The following CTCFL variants were observed in gnomAD, a reference collection of about 807,000 sequenced individuals.
The protein encoded by CTCFL is transcriptional repressor CTCFL.
In CTCFL, 36 loss-of-function variants were observed where a neutral mutation model predicts 67.4. That is an observed-to-expected ratio of 0.53 (90% CI 0.41 to 0.71). The LOEUF (loss-of-function observed/expected upper bound fraction) is 0.71. Among genes scored for constraint, CTCFL ranks in the 30% least tolerant of loss-of-function variants. The probability of loss-of-function intolerance (pLI) is 0.00; values close to 1 mark genes in which losing one functional copy is unlikely to be tolerated. For synonymous variants in CTCFL, 324 were observed against 302.3 expected (o/e 1.07, Z -0.75); for missense variants, 786 against 835.2 (o/e 0.94, Z 0.73).
chr20:57,508,942 T>C (rs748728619), intron 8 of CTCFL, among the ~76,000 whole-genome samples, 154 bp from the exon 9 acceptor site: 8 of 152,192 alleles, frequency 5.3e-5, no homozygotes, highest in Non-Finnish European at 1.0e-4. Context: ...CAAGGCAGCA[T>C]TCACTCTCAG....
intron 1 of CTCFL, 147 bp from the exon 2 acceptor site, chr20:57,524,363 A>G (rs903743645): frequency 6.8e-7 from 1 of 1,464,268 alleles, no homozygotes; most frequent in Non-Finnish European, 8.9e-7. Flanking sequence ...GGTCAGAACA[A>G]TGCTGATCTG....
chr20:57,510,640 G>A (rs1394778813), intron 8 of CTCFL, among the ~76,000 whole-genome samples: 3 of 152,184 alleles, frequency 2.0e-5, no homozygotes, highest in Non-Finnish European at 4.4e-5. Context: ...GAGGCGGGCA[G>A]ATCACGAGGT....
chr20:57,512,549 T>C (rs1405001638), intron 8 of CTCFL, 43 bp downstream of exon 8: 1 of 1,593,732 alleles, frequency 6.3e-7, no homozygotes, highest in Admixed American at 1.7e-5. Context: ...CCCTCCATTC[T>C]TCCATACACC....
chr20:57,499,318 G>A (rs956704326), intron 10 of CTCFL, among the ~76,000 whole-genome samples: 6 of 152,142 alleles, frequency 3.9e-5, no homozygotes, highest in South Asian at 2.1e-4. Flanking sequence ...TGTGGGTTGC[G>A]CGTTCTGCTA....
At chr20:57,517,283 C>CTTTT (rs77609219) in intron 5 of CTCFL, among the ~76,000 whole-genome samples, 1 of 130,772 alleles carries the variant, frequency 7.6e-6, no homozygotes, top group African/African-American at 2.8e-5. Context: ...AGTTCAAATG[C>CTTTT]TTTTTTTTTT....
rs188840993 is a variant in CTCFL, at chr20:57,519,381, T to C, written c.755-4A>G. Reference sequence around the variant, plus strand: ...CAGTGGAAGGTTCCTTTTGCTCCTATAGGCAGGAAATAGTTTATGTATTTG... The same window carrying C: ...CAGTGGAAGGTTCCTTTTGCTCCTACAGGCAGGAAATAGTTTATGTATTTG... On this transcript the variant is annotated splice_region_variant and splice_polypyrimidine_tract_variant and intron_variant, in intron 3 of 10. Transcript: ENST00000243914. 51 of 1,611,784 alleles carry C rather than the reference T, an allele frequency of 3.2e-5. No homozygotes were observed. The highest frequency in any genetic ancestry group is 5.0e-5 in the Admixed American group (3 of 59,864).
At position 57,523,721 on chromosome 20, in the gene CTCFL, A is replaced by C. The variant is rs1472739275; in HGVS notation, c.485T>G (p.Val162Gly). 2.5e-6 allele frequency: 4 copies of C among 1,613,252 alleles called. No individual in the cohort carries two copies. Among genetic ancestry groups the C allele is most frequent in the African/African-American group, 1.3e-5 (1 of 75,072 alleles). Residue 162 changes from valine (V) to glycine (G), a missense_variant, in exon 2 of 11, where the codon GTG becomes GGG. This residue lies in a region of CTCFL where 333 missense variants were observed against 304.6 expected (regional missense o/e 1.09). Transcript: ENST00000243914. ...QFHALEENVM[V>G]ASEDSKLAVS... ...CGCTAACTTACTGTCTTCACTGGCC[A>C]CCATCACATTCTCCTCTAGAGCGTG...
intron 2 of CTCFL, 124 bp from the exon 3 acceptor site, chr20:57,523,402 T>C (rs1052748288): frequency 3.9e-6 from 4 of 1,028,834 alleles, no homozygotes; most frequent in Admixed American, 5.4e-5. Context: ...ACAATGTTAA[T>C]TATTTCGCAT....
At chr20:57,515,883 C>A in intron 5 of CTCFL, 49 bp from the exon 6 acceptor site, 3 of 1,566,840 alleles carry the variant, frequency 1.9e-6, no homozygotes, top group Non-Finnish European at 2.6e-6. Context: ...TAAAAAATGG[C>A]AGAGTCTTCC....
In CTCFL at chr20:57,515,787, G is replaced by A; in HGVS notation, c.1107C>T (p.Pro369=). Residue 369 remains proline (P), a synonymous_variant, in exon 6 of 11, where the codon CCC becomes CCT. Transcript: ENST00000243914. ...RHVRSHTGER[P]FQCCQCSYAS... is the part of the protein sequence containing the mutation. The stretch of plus-strand genomic sequence containing the variant: ...CATAGCTGCACTGGCAACACTGAAA[G>A]GGGCGCTCCCCAGTGTGGGATCGGA... 2 of 1,614,126 alleles carry A rather than the reference G, an allele frequency of 1.2e-6. No homozygotes were observed. The highest frequency in any genetic ancestry group is 1.7e-5 in the Admixed American group (1 of 60,018).
intron 7 of CTCFL, chr20:57,513,513 T>A: frequency 9.6e-7 from 1 of 1,042,410 alleles, no homozygotes; most frequent in Non-Finnish European, 1.2e-6. Flanking sequence ...TATAGGGCTA[T>A]GTGGAGTGTA....
Position 57,508,832 on chromosome 20 carries a change from T to G in CTCFL, c.1492-44A>C, listed in dbSNP as rs2068372886. ...AAAGCAGCTTGTCTAGTTCAAAGGGTTTTCTCGATATTAGACACTGTTTAT... is the reference window on the plus strand; with the variant it reads ...AAAGCAGCTTGTCTAGTTCAAAGGGGTTTCTCGATATTAGACACTGTTTAT... On this transcript the variant is annotated intron_variant, in intron 8 of 10. Transcript: ENST00000243914. 1.9e-6 allele frequency: 3 copies of G among 1,556,554 alleles called. No individual in the cohort carries two copies. The East Asian group carries it at 6.7e-5, about 35-fold the overall frequency.
intron 10 of CTCFL, among the ~76,000 whole-genome samples, chr20:57,502,849 T>C (rs969868008): frequency 1.3e-5 from 2 of 152,228 alleles, no homozygotes; most frequent in African/African-American, 4.8e-5. Context: ...GACCTCCTTT[T>C]TTCAAAAGAA....
chr20:57,518,280 G>A (rs527931192), intron 5 of CTCFL, among the ~76,000 whole-genome samples: 2 of 152,304 alleles, frequency 1.3e-5, no homozygotes, highest in South Asian at 4.1e-4. Context: ...AAATGACTAT[G>A]GCACACCTGA....
chr20:57,521,666 T>C (rs1217860357), intron 3 of CTCFL, among the ~76,000 whole-genome samples: 6 of 152,202 alleles, frequency 3.9e-5, no homozygotes, highest in Admixed American at 2.6e-4. Context: ...GTGGACACAA[T>C]TGCAGTGTGC....
At chr20:57,502,040 C>T (rs985827426) in intron 10 of CTCFL, among the ~76,000 whole-genome samples, 1 of 152,206 alleles carries the variant, frequency 6.6e-6, no homozygotes, top group Non-Finnish European at 1.5e-5. Context: ...GGGTGCTCCG[C>T]GCATGGGCAG....
intron 9 of CTCFL, among the ~76,000 whole-genome samples, chr20:57,506,338 C>G (rs986976268): frequency 1.3e-5 from 2 of 152,216 alleles, no homozygotes; most frequent in African/African-American, 4.8e-5. Context: ...CAGTCTCGCT[C>G]TGTTGCCCAG....
At position 57,523,774 on chromosome 20, in the gene CTCFL, G is replaced by T. The variant is rs1187631792; in HGVS notation, c.432C>A (p.Ser144=). 6.2e-6 allele frequency: 10 copies of T among 1,613,196 alleles called. No homozygotes were observed. Among genetic ancestry groups the T allele is most frequent in the Non-Finnish European group, 7.6e-6 (9 of 1,180,040 alleles). Reference sequence around the variant, plus strand: ...ACTGCAACACCTCCATCTCTTGCGGGGAGTACAGCTCTTGCTGGATACTAA... The same window carrying T: ...ACTGCAACACCTCCATCTCTTGCGGTGAGTACAGCTCTTGCTGGATACTAA... ...VAISIQQELY[S]PQEMEVLQFH... is the part of the protein sequence containing the mutation. Residue 144 remains serine (S), a synonymous_variant, in exon 2 of 11, where the codon TCC becomes TCA. Coordinates refer to ENST00000243914, the MANE Select transcript of CTCFL (RefSeq NM_001386993.1).
chr20:57,510,483 T>C (rs564773488), intron 8 of CTCFL, among the ~76,000 whole-genome samples: 1 of 152,248 alleles, frequency 6.6e-6, no homozygotes, highest in African/African-American at 2.4e-5. Flanking sequence ...CTGCAACTAC[T>C]TGTATATAAA....
Sources: gnomAD v4.1 joint callset for allele counts (sites outside exome capture counted in the v4.1 genomes callset) on GRCh38, gnomAD v4.1.1 for gene constraint, gnomAD v4.1.1 regional missense constraint, MANE v1.5 for transcripts, NCBI Gene and HGNC (gene_info 2026-07-23, HGNC 2026-07-21) for gene names.